Variants in IFRD1 observed in about 807,000 individuals in gnomAD.
IFRD1 encodes the protein interferon related developmental regulator 1, also known as interferon-related developmental regulator 1.
Under a neutral mutation model 52.9 loss-of-function variants are expected in IFRD1, and 35 were observed. That is an observed-to-expected ratio of 0.66 (90% CI 0.51 to 0.88). The LOEUF is 0.88. Among genes scored for constraint, IFRD1 ranks in the 40% least tolerant of loss-of-function variants. IFRD1 has a pLI of 0.00. For missense variants in IFRD1, 517 were observed against 550.8 expected (o/e 0.94, Z 0.61); for synonymous variants, 184 against 188.4 (o/e 0.98, Z 0.19).
intron 1 of IFRD1, among the ~76,000 whole-genome samples, chr7:112,431,523 T>C (rs2117227152): frequency 6.6e-6 from 1 of 152,206 alleles, no homozygotes; most frequent in African/African-American, 2.4e-5. Flanking sequence ...AACTTTAGAC[T>C]CACAGCCGCA....
intron 1 of IFRD1, among the ~76,000 whole-genome samples, chr7:112,427,152 G>T (rs1794445389): frequency 6.6e-6 from 1 of 152,168 alleles, no homozygotes; most frequent in Non-Finnish European, 1.5e-5. Flanking sequence ...ATGACAGAAG[G>T]CATCACAAGG....
chr7:112,436,991 G>GT (rs1208746595), intron 1 of IFRD1, among the ~76,000 whole-genome samples: 22 of 151,760 alleles, frequency 1.4e-4, no homozygotes, highest in Non-Finnish European at 2.1e-4. Flanking sequence ...AAAGAGAACA[G>GT]TTTTTTTTGT....
At chr7:112,456,737 C>T (rs6967593) in intron 3 of IFRD1, among the ~76,000 whole-genome samples, 177 bp from the exon 4 acceptor site, 85,273 of 151,902 alleles carry the variant, frequency 0.56, 24,615 homozygotes, top group African/African-American at 0.6. Flanking sequence ...TTTTGTGTAA[C>T]AAGGTGAGTC....
At chr7:112,475,331 A>G (rs955253859) in intron 11 of IFRD1, 99 bp from the exon 12 acceptor site, 1 of 719,698 alleles carries the variant, frequency 1.4e-6, no homozygotes, top group African/African-American at 1.8e-5. Flanking sequence ...ATAGGGTCAA[A>G]TTAGTTCATT....
At chr7:112,426,223 T>C (rs886471670) in intron 1 of IFRD1, among the ~76,000 whole-genome samples, 2 of 151,992 alleles carry the variant, frequency 1.3e-5, no homozygotes, top group African/African-American at 4.8e-5. Flanking sequence ...AAAAATAAAA[T>C]AAAAATGAAC....
upstream of IFRD1, chr7:112,450,442 C>T: frequency 1.8e-6 from 1 of 550,822 alleles, no homozygotes; most frequent in East Asian, 3.2e-5. Context: ...CTTAAGGCGT[C>T]GTGGCCTCCC....
intron 1 of IFRD1, 36 bp downstream of exon 1, chr7:112,450,818 C>T (rs766317547): frequency 3.4e-6 from 5 of 1,471,136 alleles, no homozygotes; most frequent in Admixed American, 3.4e-5. Flanking sequence ...TCCCAGTTGC[C>T]GGCCAGGCTG....
At chr7:112,428,649 T>C (rs977634858) in intron 1 of IFRD1, among the ~76,000 whole-genome samples, 2 of 152,148 alleles carry the variant, frequency 1.3e-5, no homozygotes, top group African/African-American at 4.8e-5. Flanking sequence ...TGAGGTGGCT[T>C]ATCGAAGGTA....
At chr7:112,457,127 C>A in intron 4 of IFRD1, 89 bp downstream of exon 4, 1 of 1,320,398 alleles carries the variant, frequency 7.6e-7, no homozygotes, top group African/African-American at 1.4e-5. Context: ...AGCACTGGAA[C>A]ACTGGCCCAC....
intron 1 of IFRD1, among the ~76,000 whole-genome samples, chr7:112,445,166 A>T (rs977830860): frequency 6.9e-6 from 1 of 145,822 alleles, no homozygotes; most frequent in Non-Finnish European, 1.5e-5. Context: ...TCCCGAGTTC[A>T]TGCCATTCTC....
At chr7:112,461,583 C>A in intron 5 of IFRD1, 1 of 213,348 alleles carries the variant, frequency 4.7e-6, no homozygotes, top group Non-Finnish European at 9.1e-6. Flanking sequence ...AATTCTTTTG[C>A]ATGCTTTTGA....
intron 1 of IFRD1, among the ~76,000 whole-genome samples, chr7:112,445,062 C>CTTTTT (rs3057810): frequency 6.8e-5 from 7 of 102,686 alleles, no homozygotes; most frequent in Admixed American, 1.1e-4. Flanking sequence ...CCTAGGCTTT[C>CTTTTT]TTTTTTTTTT....
At chr7:112,441,011 C>T (rs1450703555) in intron 1 of IFRD1, among the ~76,000 whole-genome samples, 2 of 152,088 alleles carry the variant, frequency 1.3e-5, no homozygotes, top group African/African-American at 4.8e-5. Flanking sequence ...GTGGCTCACA[C>T]CTGTAATCCC....
At chr7:112,463,187 C>T (rs1183109814) in intron 8 of IFRD1, among the ~76,000 whole-genome samples, 1 of 152,124 alleles carries the variant, frequency 6.6e-6, no homozygotes, top group African/African-American at 2.4e-5. Context: ...ACTGTCTTCA[C>T]ACTGAATCTG....
At chr7:112,425,970 T>A (rs756342058) in intron 1 of IFRD1, among the ~76,000 whole-genome samples, 2 of 152,238 alleles carry the variant, frequency 1.3e-5, no homozygotes, top group African/African-American at 2.4e-5. Context: ...TGCTAAAACA[T>A]TCTTTTTCTT....
chr7:112,471,522 C>T (rs917551811), intron 9 of IFRD1, among the ~76,000 whole-genome samples: 1 of 152,078 alleles, frequency 6.6e-6, no homozygotes, highest in Admixed American at 6.6e-5. Context: ...TCATGATTTA[C>T]CAAAGAATTA....
chr7:112,442,674 G>A (rs948734342), intron 1 of IFRD1, among the ~76,000 whole-genome samples: 11 of 152,312 alleles, frequency 7.2e-5, no homozygotes, highest in African/African-American at 2.6e-4. Context: ...GAGAGGGACG[G>A]ACAGCCACGG....
chr7:112,439,713 A>T (rs1471685839), intron 1 of IFRD1, among the ~76,000 whole-genome samples: 1 of 152,174 alleles, frequency 6.6e-6, no homozygotes, highest in Non-Finnish European at 1.5e-5. Context: ...TCTTTCCCTC[A>T]AGCCCTCAAC....
intron 8 of IFRD1, among the ~76,000 whole-genome samples, chr7:112,465,990 A>AT (rs1795599721): frequency 6.6e-6 from 1 of 152,170 alleles, no homozygotes; most frequent in South Asian, 2.1e-4. Flanking sequence ...TAGATTTATA[A>AT]TTTATAAAAC....
Sources: allele counts gnomAD v4.1 joint callset (sites outside exome capture counted in the v4.1 genomes callset), GRCh38; gene constraint gnomAD v4.1.1; transcripts MANE v1.5; gene names NCBI Gene and HGNC (gene_info 2026-07-23, HGNC 2026-07-21).